The following PRSS23 variants were observed in gnomAD, a reference collection of about 807,000 sequenced individuals.
PRSS23 encodes the protein protease, serine 23.
Under a neutral mutation model 34.7 loss-of-function variants are expected in PRSS23, and 25 were observed. That is an observed-to-expected ratio of 0.72 (90% CI 0.53 to 1.01). PRSS23 has a LOEUF of 1.01. PRSS23 is among the 50% of genes least tolerant of loss of function. The probability of loss-of-function intolerance (pLI) is 0.00; values close to 1 mark genes in which losing one functional copy is unlikely to be tolerated. For synonymous variants in PRSS23, 176 were observed against 186.6 expected, an observed-to-expected ratio of 0.94 and a Z score of 0.46; for missense variants, 445 against 475.6, an observed-to-expected ratio of 0.94 and a Z score of 0.60.
At chr11:86,945,744 G>A (rs1230506988) in intron 2 of PRSS23, 1 of 152,626 alleles carries the variant, frequency 6.6e-6, no homozygotes, top group East Asian at 1.9e-4. Context: ...TTTGTACAGT[G>A]ATAAATTAGA....
intron 1 of PRSS23, among the ~76,000 whole-genome samples, chr11:86,820,073 A>G (rs1948241867): frequency 6.6e-6 from 1 of 152,206 alleles, no homozygotes; most frequent in Admixed American, 6.5e-5. Context: ...ATTGCAAATA[A>G]TCTCCCACGT....
At chr11:86,886,308 A>T (rs1240181204) in intron 2 of PRSS23, among the ~76,000 whole-genome samples, 1 of 151,982 alleles carries the variant, frequency 6.6e-6, no homozygotes, top group Non-Finnish European at 1.5e-5. Context: ...TTGAGGCCAC[A>T]CTCCCTTCAG....
rs569299926 is a variant in PRSS23, at chr11:86,855,380, T to A, written c.206+31787T>A. 2.0e-5 allele frequency among the ~76,000 whole-genome samples: 3 copies of A among 152,258 alleles called. No homozygotes were observed. In the South Asian group the frequency reaches 6.2e-4, roughly 32 times the overall value. On this transcript the variant is annotated intron_variant, in intron 2 of 2. Transcript: ENST00000533902. ...TGTACTGTCAAACAGTCGAACTCATTTATTCCATCTTTCTGTATTTTTGTA... is the reference window on the plus strand; with the variant it reads ...TGTACTGTCAAACAGTCGAACTCATATATTCCATCTTTCTGTATTTTTGTA...
chr11:86,809,672 C>T lies in PRSS23; in HGVS notation c.*877C>T, dbSNP rs1347145700. 1.8e-5 allele frequency: 3 copies of T among 166,996 alleles called. No individual in the cohort carries two copies. In the East Asian group the frequency reaches 5.8e-4, roughly 32 times the overall value. 10.3% of individuals were successfully genotyped at this position (166,996 alleles called of 1,614,324 possible). A position where few individuals can be genotyped will look rare whatever the true frequency, so the allele number is the denominator to read the frequency against. ...TCCTCCCAGCAAACAGTTGTGGCCA[C>T]ACTAAAAACAATCATAGCATTTTAC... On this transcript the variant is annotated 3_prime_UTR_variant, in exon 2 of 2. Coordinates refer to ENST00000280258, the MANE Select transcript of PRSS23 (RefSeq NM_007173.6).
intron 2 of PRSS23, among the ~76,000 whole-genome samples, chr11:86,918,981 G>A (rs902996865): frequency 3.3e-5 from 5 of 152,172 alleles, no homozygotes; most frequent in East Asian, 3.8e-4. Context: ...GAGCATAGGC[G>A]AAATCTCCTG....
chr11:86,797,159 C>T (rs886356594), upstream of PRSS23, among the ~76,000 whole-genome samples: 5 of 152,206 alleles, frequency 3.3e-5, no homozygotes, highest in Non-Finnish European at 5.9e-5. Context: ...AAAAAGTATT[C>T]GGGAATTACA....
intron 2 of PRSS23, among the ~76,000 whole-genome samples, chr11:86,891,041 C>T (rs1948837943): frequency 6.6e-6 from 1 of 152,108 alleles, no homozygotes; most frequent in Non-Finnish European, 1.5e-5. Flanking sequence ...GTGGTATGTG[C>T]CAGGGCTTGG....
exon 3 of PRSS23, chr11:86,952,268 C>G: frequency 6.2e-7 from 1 of 1,614,192 alleles, no homozygotes; most frequent in Non-Finnish European, 8.5e-7. Flanking sequence ...CTCTTCATCA[C>G]CTGGCCCTTC....
In PRSS23 at chr11:86,912,793, T is replaced by C. The variant is rs565902957; in HGVS notation, c.207-38423T>C. On this transcript the variant is annotated intron_variant, in intron 2 of 2. Transcript: ENST00000533902. ...AGCTTGTCTCTATTAGCCCTTTCTC[T>C]TAAATATGAGTCATGTTTCCCTGTT... is the stretch of plus-strand genomic sequence containing the variant. Among the ~76,000 whole-genome samples, 15 of 152,368 alleles carry C rather than the reference T, an allele frequency of 9.8e-5. No individual in the cohort carries two copies. The South Asian group carries it at 3.1e-3, about 32-fold the overall frequency.
chr11:86,852,877 A>G (rs1948540288), intron 2 of PRSS23, among the ~76,000 whole-genome samples: 1 of 151,946 alleles, frequency 6.6e-6, no homozygotes, highest in South Asian at 2.1e-4. Context: ...TTTTGGAGAC[A>G]GAATCTTTCT....
intron 2 of PRSS23, chr11:86,949,856 A>G (rs1565396243): frequency 6.6e-6 from 1 of 152,664 alleles, no homozygotes; most frequent in Non-Finnish European, 1.5e-5. Flanking sequence ...GAAATCTTAC[A>G]AGGAGCCTTT....
At chr11:86,927,737 C>G (rs1411560824) in intron 2 of PRSS23, among the ~76,000 whole-genome samples, 1 of 152,104 alleles carries the variant, frequency 6.6e-6, no homozygotes, top group East Asian at 1.9e-4. Context: ...AAAAAGAATA[C>G]TAGGCCGGGC....
intron 2 of PRSS23, among the ~76,000 whole-genome samples, chr11:86,874,976 A>G (rs777873083): frequency 6.6e-6 from 1 of 152,246 alleles, no homozygotes; most frequent in African/African-American, 2.4e-5. Context: ...ATTCCTCACA[A>G]CATGACTGCA....
chr11:86,900,404 T>G (rs1590920333), intron 2 of PRSS23, among the ~76,000 whole-genome samples: 1 of 152,352 alleles, frequency 6.6e-6, no homozygotes, highest in East Asian at 1.9e-4. Context: ...GTACTGCTTT[T>G]CTTAAATGCA....
chr11:86,823,447 G>A (rs1343519554), exon 2 of PRSS23: 3 of 702,380 alleles, frequency 4.3e-6, no homozygotes, highest in Admixed American at 2.0e-5. Flanking sequence ...CCACAACTGT[G>A]AAGCGAGAGG....
At chr11:86,893,784 G>C (rs1948857127) in intron 2 of PRSS23, among the ~76,000 whole-genome samples, 1 of 151,954 alleles carries the variant, frequency 6.6e-6, no homozygotes, top group Admixed American at 6.6e-5. Context: ...AATATAAAAT[G>C]AATACACGTC....
At chr11:86,868,321 G>C (rs1355004519) in intron 2 of PRSS23, among the ~76,000 whole-genome samples, 1 of 152,158 alleles carries the variant, frequency 6.6e-6, no homozygotes, top group East Asian at 1.9e-4. Context: ...ATCTCCTTCT[G>C]GGTTCCATGT....
chr11:86,846,014 A>G (rs1948483330), intron 2 of PRSS23, among the ~76,000 whole-genome samples: 1 of 152,206 alleles, frequency 6.6e-6, no homozygotes, highest in South Asian at 2.1e-4. Flanking sequence ...CAATCTGGTA[A>G]CATCTTCCCA....
intron 2 of PRSS23, among the ~76,000 whole-genome samples, chr11:86,919,248 C>T (rs917241971): frequency 2.0e-5 from 3 of 152,188 alleles, no homozygotes; most frequent in Non-Finnish European, 2.9e-5. Context: ...AACTTGGCTT[C>T]CTGTTTTCCT....
Sources: allele counts gnomAD v4.1 joint callset (sites outside exome capture counted in the v4.1 genomes callset), GRCh38; gene constraint gnomAD v4.1.1; transcripts MANE v1.5; gene names NCBI Gene and HGNC (gene_info 2026-07-23, HGNC 2026-07-21).